The following SLC16A9 variants were observed in gnomAD, a reference collection of about 807,000 sequenced individuals.
The protein encoded by SLC16A9 is monocarboxylate transporter 9.
Under a neutral mutation model 44.3 loss-of-function variants are expected in SLC16A9, and 26 were observed. The ratio of observed to expected loss-of-function variants is 0.59; its 90% CI spans 0.43 to 0.81. The LOEUF (loss-of-function observed/expected upper bound fraction) is 0.81, where lower values mean the gene tolerates loss of function less well. Among genes scored for constraint, SLC16A9 ranks in the 40% least tolerant of loss-of-function variants. The probability of loss-of-function intolerance (pLI) is 0.00; values close to 1 mark genes in which losing one functional copy is unlikely to be tolerated. For missense variants in SLC16A9, 559 were observed against 595.8 expected, an observed-to-expected ratio of 0.94 and a Z score of 0.64; for synonymous variants, 230 against 225.1, an observed-to-expected ratio of 1.02 and a Z score of -0.19.
At chr10:59,685,137 G>T (rs1327827732) in intron 1 of SLC16A9, among the ~76,000 whole-genome samples, 3 of 152,142 alleles carry the variant, frequency 2.0e-5, no homozygotes, top group Non-Finnish European at 2.9e-5. Context: ...TAAAAAAGTA[G>T]TATATTATAC....
chr10:59,699,148 A>G (rs61435344), intron 1 of SLC16A9, among the ~76,000 whole-genome samples: 2,737 of 152,316 alleles, frequency 0.018, 95 homozygotes, highest in African/African-American at 0.063. Flanking sequence ...CCTGGCAGGA[A>G]AACCCCTGAG....
chr10:59,653,255 T>TAAAA lies in SLC16A9; in HGVS notation c.1352-306_1352-305insTTTT, dbSNP rs1386108829. ...TAACACGGTGAAACCCCGTCTCTAC[T>TAAAA]AAACAACAACAACAAAAAACATTAG... On this transcript the variant is annotated intron_variant, in intron 5 of 5. Coordinates refer to ENST00000395348, the MANE Select transcript of SLC16A9 (RefSeq NM_194298.3). 2.0e-3 allele frequency among the ~76,000 whole-genome samples: 289 copies of TAAAA among 147,610 alleles called. 2 individuals are homozygous for TAAAA. Among genetic ancestry groups the TAAAA allele is most frequent in the African/African-American group, 7.1e-3 (272 of 38,494 alleles).
In SLC16A9 at chr10:59,700,538, T is replaced by G. The variant is rs142045767; in HGVS notation, c.-37+8941A>C. Among the ~76,000 whole-genome samples the G allele has an allele frequency of 1.3e-3, 201 of 152,342 alleles. 1 individual carries two copies. Among genetic ancestry groups the G allele is most frequent in the African/African-American group, 4.5e-3 (186 of 41,592 alleles). On this transcript the variant is annotated intron_variant, in intron 1 of 5. Coordinates refer to ENST00000395348, the MANE Select transcript of SLC16A9 (RefSeq NM_194298.3). The stretch of plus-strand genomic sequence containing the variant: ...TTTGTATTTCACATGAGCATGTTTC[T>G]AGTAACCATCCAAGCATATGCTAAA...
At chr10:59,705,118 T>G (rs1840609856) in intron 1 of SLC16A9, among the ~76,000 whole-genome samples, 1 of 152,138 alleles carries the variant, frequency 6.6e-6, no homozygotes, top group South Asian at 2.1e-4. Flanking sequence ...CTGTCTCTTC[T>G]CAGAGTTTAA....
chr10:59,679,764 T>C (rs1479236667), intron 2 of SLC16A9, among the ~76,000 whole-genome samples: 1 of 152,114 alleles, frequency 6.6e-6, no homozygotes, highest in East Asian at 1.9e-4. Flanking sequence ...ATCCCTCCTT[T>C]CCAGCCAAAT....
chr10:59,702,034 A>T (rs1417116609), intron 1 of SLC16A9, among the ~76,000 whole-genome samples: 1 of 152,240 alleles, frequency 6.6e-6, no homozygotes, highest in African/African-American at 2.4e-5. Flanking sequence ...AAGAATTATG[A>T]TTGGCACATA....
chr10:59,653,791 C>G lies in SLC16A9; in HGVS notation c.1235G>C (p.Trp412Ser). The G allele has an allele frequency of 1.2e-6, 2 of 1,614,022 alleles. No homozygotes were observed. Among genetic ancestry groups the G allele is most frequent in the Non-Finnish European group, 1.7e-6 (2 of 1,180,010 alleles). Residue 412 changes from tryptophan (W) to serine (S), a missense_variant, in exon 5 of 6, where the codon TGG (tryptophan) becomes TCG (serine). Trp to Ser is a radical substitution (Grantham distance 177). Coordinates refer to ENST00000395348, the MANE Select transcript of SLC16A9 (RefSeq NM_194298.3). ...SGILGFLTGN[W>S]SIFPYVTTKT... Reference sequence around the variant, plus strand: ...CGTGGTCACATATGGAAAGATGGACCAATTACCAGTAAGAAACCCTAGGAT... The same window carrying G: ...CGTGGTCACATATGGAAAGATGGACGAATTACCAGTAAGAAACCCTAGGAT...
chr10:59,666,229 G>A (rs1262170751), intron 3 of SLC16A9, among the ~76,000 whole-genome samples: 1 of 151,636 alleles, frequency 6.6e-6, no homozygotes, highest in African/African-American at 2.4e-5. Context: ...AACCCTGGAG[G>A]TGGAGGTTGC....
At chr10:59,704,645 G>T (rs1840599347) in intron 1 of SLC16A9, among the ~76,000 whole-genome samples, 1 of 152,230 alleles carries the variant, frequency 6.6e-6, no homozygotes, top group South Asian at 2.1e-4. Flanking sequence ...CAGACACTGA[G>T]ATACATTGGT....
At chr10:59,694,661 T>G (rs1317500462) in intron 1 of SLC16A9, among the ~76,000 whole-genome samples, 2 of 150,944 alleles carry the variant, frequency 1.3e-5, no homozygotes, top group Non-Finnish European at 3.0e-5. Context: ...ATTAGCCAGC[T>G]GTGATGGTGG....
chr10:59,667,174 T>C (rs1027896314), intron 3 of SLC16A9, among the ~76,000 whole-genome samples: 9 of 152,216 alleles, frequency 5.9e-5, no homozygotes, highest in African/African-American at 1.7e-4. Flanking sequence ...TATACTGATA[T>C]GGTATCAGGT....
chr10:59,706,911 T>C (rs1840650731), intron 1 of SLC16A9, among the ~76,000 whole-genome samples: 1 of 145,432 alleles, frequency 6.9e-6, no homozygotes, highest in Admixed American at 6.8e-5. Context: ...GAGGCAGAGG[T>C]TGCAGTAAGC....
chr10:59,679,225 T>C (rs1839934643), intron 2 of SLC16A9, among the ~76,000 whole-genome samples: 1 of 152,122 alleles, frequency 6.6e-6, no homozygotes, highest in African/African-American at 2.4e-5. Flanking sequence ...TGGAGAACAA[T>C]ATCTAGCCAA....
chr10:59,677,288 A>T (rs56371489), intron 2 of SLC16A9, among the ~76,000 whole-genome samples: 11,600 of 151,952 alleles, frequency 0.076, 605 homozygotes, highest in African/African-American at 0.13. Context: ...ACAGGGTCTC[A>T]TTATGTTGCC....
At chr10:59,707,981 G>A (rs986731265) in intron 1 of SLC16A9, among the ~76,000 whole-genome samples, 5 of 152,118 alleles carry the variant, frequency 3.3e-5, no homozygotes, top group African/African-American at 1.2e-4. Flanking sequence ...CTCTTCCTAT[G>A]GATATGAAGG....
At chr10:59,689,016 C>A (rs1242223311) in intron 1 of SLC16A9, among the ~76,000 whole-genome samples, 2 of 152,030 alleles carry the variant, frequency 1.3e-5, no homozygotes, top group Non-Finnish European at 2.9e-5. Context: ...GGATGTAGGA[C>A]AAGAGCCAAA....
intron 3 of SLC16A9, among the ~76,000 whole-genome samples, chr10:59,667,025 T>C (rs1839634950): frequency 6.6e-6 from 1 of 152,208 alleles, no homozygotes; most frequent in South Asian, 2.1e-4. Flanking sequence ...TATTTTTAAG[T>C]TCTTGCATAA....
intron 2 of SLC16A9, among the ~76,000 whole-genome samples, chr10:59,680,444 C>G (rs901690912): frequency 6.6e-6 from 1 of 152,196 alleles, no homozygotes; most frequent in Non-Finnish European, 1.5e-5. Context: ...CAAGAACTGT[C>G]TTCATCTTTC....
rs1417674375 is a variant in SLC16A9 at position 59,652,541 on chromosome 10, G to A, written c.*231C>T. ...TAGTGAATAACAGCAAAACAGAATA[G>A]TCCCATTGATGGTGTGGGGAGGAGA... On this transcript the variant is annotated 3_prime_UTR_variant, in exon 6 of 6. Coordinates refer to ENST00000395348, the MANE Select transcript of SLC16A9 (RefSeq NM_194298.3). The A allele has an allele frequency of 3.3e-5, 13 of 390,148 alleles. No individual in the cohort carries two copies. The highest frequency in any genetic ancestry group is 5.9e-5 in the Non-Finnish European group (13 of 221,546). The allele number at this position is 390,148 out of a possible 1,614,324, so 24.2% of individuals were successfully genotyped here.
Sources: allele counts gnomAD v4.1 joint callset (sites outside exome capture counted in the v4.1 genomes callset), GRCh38; gene constraint gnomAD v4.1.1; transcripts MANE v1.5; gene names NCBI Gene and HGNC (gene_info 2026-07-23, HGNC 2026-07-21).